SDHB: variants seen among roughly 807,000 people sequenced by gnomAD.
SDHB encodes succinate dehydrogenase complex iron sulfur subunit B.
Under a neutral mutation model 39.7 loss-of-function variants are expected in SDHB, and 21 were observed. The observed-to-expected ratio is 0.53, with a 90% CI of 0.37 to 0.76. The LOEUF (loss-of-function observed/expected upper bound fraction) is 0.76, where lower values mean the gene tolerates loss of function less well. Among genes scored for constraint, SDHB ranks in the 30% least tolerant of loss-of-function variants. The pLI is 0.00. For missense variants in SDHB, 343 were observed against 350.9 expected (o/e 0.98, Z 0.18); for synonymous variants, 118 against 117.0 (o/e 1.01, Z -0.06).
chr1:17,041,568 A>G (rs1169244503), intron 2 of SDHB, among the ~76,000 whole-genome samples: 1 of 151,960 alleles, frequency 6.6e-6, no homozygotes, highest in Admixed American at 6.6e-5. Context: ...AGGCTGAGGC[A>G]AGGGAATCGC....
chr1:17,029,000 GA>G (rs1352386812), intron 3 of SDHB, among the ~76,000 whole-genome samples: 2 of 151,990 alleles, frequency 1.3e-5, no homozygotes, highest in East Asian at 3.9e-4. Context: ...TATGGCACTG[GA>G]GGAGGCCAGA....
intron 1 of SDHB, 109 bp from the exon 2 acceptor site, chr1:17,044,997 G>T: frequency 2.0e-6 from 2 of 990,702 alleles, no homozygotes; most frequent in Non-Finnish European, 3.1e-6. Context: ...ACACATTACT[G>T]ACACATAATC....
At chr1:17,037,843 TCTC>T (rs746547929) in intron 2 of SDHB, among the ~76,000 whole-genome samples, 3 of 152,168 alleles carry the variant, frequency 2.0e-5, no homozygotes, top group Non-Finnish European at 4.4e-5. Flanking sequence ...CTCAAGCAAT[TCTC>T]CTGCTTCAGG....
At chr1:17,026,218 G>T (rs1026845858) in intron 5 of SDHB, among the ~76,000 whole-genome samples, 4 of 152,196 alleles carry the variant, frequency 2.6e-5, no homozygotes, top group Non-Finnish European at 4.4e-5. Flanking sequence ...GACTCTGGGA[G>T]GTAGAAACTG....
intron 2 of SDHB, 123 bp from the exon 3 acceptor site, chr1:17,033,268 G>A (rs1483832244): frequency 8.8e-6 from 7 of 794,426 alleles, no homozygotes; most frequent in South Asian, 3.0e-5. Context: ...GGTCACCTTC[G>A]GAATTTGTTC....
At chr1:17,045,598 C>CA (rs2078104822) in intron 1 of SDHB, among the ~76,000 whole-genome samples, 1 of 151,594 alleles carries the variant, frequency 6.6e-6, no homozygotes, top group Non-Finnish European at 1.5e-5. Context: ...GACTCTTTTT[C>CA]AAAAATACAA....
At chr1:17,049,522 C>T (rs769982706) in intron 1 of SDHB, among the ~76,000 whole-genome samples, 40 of 151,568 alleles carry the variant, frequency 2.6e-4, no homozygotes, top group Non-Finnish European at 4.6e-4. Context: ...GGCTCAAACT[C>T]CTGGCCTCAA....
intron 7 of SDHB, among the ~76,000 whole-genome samples, chr1:17,021,784 C>A (rs144940390): frequency 6.4e-4 from 97 of 152,144 alleles, no homozygotes; most frequent in African/African-American, 2.2e-3. Context: ...GGCTCCCTTT[C>A]TCTTGCCCTT....
intron 3 of SDHB, among the ~76,000 whole-genome samples, chr1:17,032,287 C>T (rs1294264183): frequency 2.0e-5 from 3 of 151,680 alleles, no homozygotes; most frequent in Non-Finnish European, 4.4e-5. Context: ...CAAACTCCAC[C>T]TCCCGGGTTC....
At chr1:17,043,876 C>T (rs1045653770) in intron 2 of SDHB, among the ~76,000 whole-genome samples, 5 of 152,140 alleles carry the variant, frequency 3.3e-5, no homozygotes, top group African/African-American at 4.8e-5. Context: ...CCACCAATAG[C>T]GCAAATGAGC....
intron 1 of SDHB, chr1:17,052,534 A>G (rs2235928): frequency 0.21 from 31,271 of 152,008 alleles, 3,737 homozygotes; most frequent in East Asian, 0.52. Context: ...GGGGCTTGGA[A>G]CTCTCTCGTT....
intron 1 of SDHB, among the ~76,000 whole-genome samples, chr1:17,051,168 T>C (rs907851204): frequency 9.2e-5 from 14 of 152,236 alleles, no homozygotes; most frequent in Non-Finnish European, 1.0e-4. Flanking sequence ...ATATGATTTT[T>C]TTCCCCTTGT....
chr1:17,029,105 T>TG (rs1335846688), intron 3 of SDHB, among the ~76,000 whole-genome samples: 2 of 142,256 alleles, frequency 1.4e-5, no homozygotes, highest in East Asian at 4.2e-4. Flanking sequence ...TTTTTTTTTT[T>TG]TTTTTTTTTT....
chr1:17,041,092 T>C (rs1274943817), intron 2 of SDHB, among the ~76,000 whole-genome samples: 1 of 152,056 alleles, frequency 6.6e-6, no homozygotes, highest in Non-Finnish European at 1.5e-5. Flanking sequence ...ATTGCGCCAC[T>C]GCACTCCAGC....
At chr1:17,039,859 A>G (rs1399342054) in intron 2 of SDHB, among the ~76,000 whole-genome samples, 1 of 152,152 alleles carries the variant, frequency 6.6e-6, no homozygotes, top group East Asian at 1.9e-4. Context: ...CAGTCATATT[A>G]ATTTTAACAA....
chr1:17,020,233 G>A (rs1468916812), intron 7 of SDHB, among the ~76,000 whole-genome samples: 1 of 152,106 alleles, frequency 6.6e-6, no homozygotes, highest in Non-Finnish European at 1.5e-5. Context: ...TAGAAGGTTG[G>A]TACATACCCA....
chr1:17,030,370 C>T (rs929252121), intron 3 of SDHB, among the ~76,000 whole-genome samples: 9 of 152,150 alleles, frequency 5.9e-5, no homozygotes, highest in South Asian at 4.1e-4. Flanking sequence ...TCATAAAATA[C>T]GCAGCATAGT....
chr1:17,026,189 T>G (rs543441368), intron 5 of SDHB, among the ~76,000 whole-genome samples: 42 of 152,278 alleles, frequency 2.8e-4, no homozygotes, highest in African/African-American at 9.9e-4. Flanking sequence ...CGGTTCAGCC[T>G]GGACTCTGGG....
rs1225871505 is a variant in SDHB at position 17,023,969 on chromosome 1, T to C, written c.642+4A>G. 4 of 1,605,200 alleles carry C rather than the reference T, an allele frequency of 2.5e-6. No individual in the cohort carries two copies. The highest frequency in any genetic ancestry group is 3.4e-6 in the Non-Finnish European group (4 of 1,172,352). On this transcript the variant is annotated splice_donor_region_variant and intron_variant, in intron 6 of 7. Transcript: ENST00000375499. ...TCTCTTAAAGCAATTAAGGAGCACC[T>C]CACCTGCATAAGAACTGCAGGCCCC...
Sources: allele counts gnomAD v4.1 joint callset (sites outside exome capture counted in the v4.1 genomes callset), GRCh38; gene constraint gnomAD v4.1.1; transcripts MANE v1.5; gene names NCBI Gene and HGNC (gene_info 2026-07-23, HGNC 2026-07-21).